LRIG3: variants seen among roughly 807,000 people sequenced by gnomAD.
LRIG3 encodes the protein leucine-rich repeats and immunoglobulin-like domains protein 3.
Under a neutral mutation model 114.5 loss-of-function variants are expected in LRIG3, and 76 were observed. That is an observed-to-expected ratio of 0.66 (90% CI 0.55 to 0.80). LRIG3 has a LOEUF of 0.80. Among genes scored for constraint, LRIG3 ranks in the 30% least tolerant of loss-of-function variants. The pLI is 0.00. For synonymous variants in LRIG3, 512 were observed against 519.8 expected (o/e 0.98, Z 0.20); for missense variants, 1,239 against 1,382.8 (o/e 0.90, Z 1.65).
At position 58,876,540 on chromosome 12, in the gene LRIG3, C is replaced by G. The variant is rs1870923603; in HGVS notation, c.2600G>C (p.Arg867Thr). ...TTCTGAAGACACGTACCCATCCTGC[C>G]TGTCAGCTAACGTTCCCTGAGATGA... is the stretch of plus-strand genomic sequence containing the variant. Reference protein sequence around the residue: ...YLSSQGTLADRQDGYVSSESG... With the variant: ...YLSSQGTLADTQDGYVSSESG... Residue 867 changes from arginine (R) to threonine (T), a missense_variant, in exon 16 of 19, where the codon AGG becomes ACG. Arg to Thr is a moderately conservative substitution (Grantham distance 71). Coordinates refer to ENST00000320743, the MANE Select transcript of LRIG3 (RefSeq NM_153377.5). 1.9e-6 allele frequency: 3 copies of G among 1,614,188 alleles called. No individual in the cohort carries two copies. The highest frequency in any genetic ancestry group is 2.5e-6 in the Non-Finnish European group (3 of 1,180,018).
chr12:58,913,835 GTTA>G (rs1330356306), intron 3 of LRIG3, 144 bp downstream of exon 3: 9 of 620,758 alleles, frequency 1.4e-5, no homozygotes, highest in Non-Finnish European at 2.2e-5. Context: ...TAGAAAACAA[GTTA>G]ACCAATTTAA....
chr12:58,891,986 A>G, intron 3 of LRIG3, among the ~76,000 whole-genome samples: 1 of 152,138 alleles, frequency 6.6e-6, no homozygotes, highest in East Asian at 1.9e-4. Flanking sequence ...TGCTTCTACC[A>G]TTGTGTAAAG....
intron 3 of LRIG3, among the ~76,000 whole-genome samples, chr12:58,892,444 A>G (rs2120921502): frequency 6.6e-6 from 1 of 152,300 alleles, no homozygotes; most frequent in East Asian, 1.9e-4. Flanking sequence ...CCAAAACTGG[A>G]TTTCTACAGT....
chr12:58,907,314 C>T (rs1245255331), intron 3 of LRIG3, among the ~76,000 whole-genome samples: 1 of 152,174 alleles, frequency 6.6e-6, no homozygotes, highest in African/African-American at 2.4e-5. Context: ...ATACAAAAGC[C>T]CTCAGGCTAC....
intron 3 of LRIG3, 96 bp downstream of exon 3, chr12:58,913,886 A>AT: frequency 2.7e-6 from 3 of 1,104,882 alleles, no homozygotes; most frequent in Non-Finnish European, 2.6e-6. Flanking sequence ...AAAATATTCC[A>AT]TTTTTTTCTT....
At chr12:58,888,263 A>G in intron 7 of LRIG3, 66 bp downstream of exon 7, 1 of 1,550,660 alleles carries the variant, frequency 6.4e-7, no homozygotes, top group Non-Finnish European at 8.8e-7. Flanking sequence ...ATCAGTGGTA[A>G]GAAGCTCATG....
chr12:58,896,030 C>T (rs1871629949), intron 3 of LRIG3, among the ~76,000 whole-genome samples: 1 of 152,204 alleles, frequency 6.6e-6, no homozygotes. Flanking sequence ...TTTTCTAAGA[C>T]ACAGAGTGCA....
In LRIG3 at chr12:58,881,024, T is replaced by C. The variant is rs898993526; in HGVS notation, c.1481-123A>G. On this transcript the variant is annotated intron_variant, in intron 12 of 18. Coordinates refer to ENST00000320743, the MANE Select transcript of LRIG3 (RefSeq NM_153377.5). ...TAGGTTTTACCCTTTGTGTATGTTT[T>C]CCAGATGGACTAGCCGTCCCCATGT... 1.7e-5 allele frequency: 15 copies of C among 880,958 alleles called. No individual in the cohort carries two copies. In the African/African-American group the frequency reaches 2.5e-4, roughly 15 times the overall value. 54.6% of individuals were successfully genotyped at this position (880,958 alleles called of 1,614,324 possible). A position where few individuals can be genotyped will look rare whatever the true frequency, so the allele number is the denominator to read the frequency against.
chr12:58,888,484 G>T lies in LRIG3; in HGVS notation c.804-12C>A. ...TATGGTCCAGCTGCCTACATTTACA[G>T]TAAGAATCAAAAGCAGGATCAAAAC... On this transcript the variant is annotated splice_polypyrimidine_tract_variant and intron_variant, in intron 6 of 18. Coordinates refer to ENST00000320743, the MANE Select transcript of LRIG3 (RefSeq NM_153377.5). 1 of 1,611,116 alleles carries T rather than the reference G, an allele frequency of 6.2e-7. No homozygotes were observed. Among genetic ancestry groups the T allele is most frequent in the African/African-American group, 1.3e-5 (1 of 74,976 alleles).
At chr12:58,895,809 G>A (rs948874040) in intron 3 of LRIG3, among the ~76,000 whole-genome samples, 2 of 152,186 alleles carry the variant, frequency 1.3e-5, no homozygotes, top group East Asian at 1.9e-4. Flanking sequence ...GACGACAGAA[G>A]GATGACGAGC....
intron 10 of LRIG3, among the ~76,000 whole-genome samples, chr12:58,885,023 A>C (rs1871230094): frequency 6.6e-6 from 1 of 152,082 alleles, no homozygotes; most frequent in African/African-American, 2.4e-5. Flanking sequence ...GTGGCTGAAA[A>C]TTCCTGAGCC....
At chr12:58,881,420 C>CAAAAAAA (rs376145825) in intron 12 of LRIG3, among the ~76,000 whole-genome samples, 1 of 65,112 alleles carries the variant, frequency 1.5e-5, no homozygotes, top group African/African-American at 5.1e-5. Context: ...TAGGTAGAGG[C>CAAAAAAA]AAAAAAAAAA....
At chr12:58,917,260 A>C (rs987523098) in intron 1 of LRIG3, among the ~76,000 whole-genome samples, 1 of 152,202 alleles carries the variant, frequency 6.6e-6, no homozygotes, top group African/African-American at 2.4e-5. Context: ...TCTACATAAG[A>C]CAAATAATTC....
rs559830351 is a variant in LRIG3 at position 58,886,866 on chromosome 12, G to T, written c.1116C>A (p.Ser372=). The change falls in exon 9 of 19, where the codon TCC becomes TCA. Residue 372 remains serine (S), a synonymous_variant. Transcript: ENST00000320743. The part of the protein sequence containing the change: ...KTLDLKNNEI[S]WTIEDMNGAF... ...CACCATTCATGTCTTCAATAGTCCA[G>T]GAAATTTCATTGTTCTTCAGATCCC... 1 of 1,613,334 alleles carries T rather than the reference G, an allele frequency of 6.2e-7. No homozygotes were observed. Among genetic ancestry groups the T allele is most frequent in the South Asian group, 1.1e-5 (1 of 91,040 alleles).
intron 3 of LRIG3, among the ~76,000 whole-genome samples, chr12:58,901,135 T>G (rs1871833341): frequency 6.6e-6 from 1 of 152,192 alleles, no homozygotes; most frequent in South Asian, 2.1e-4. Flanking sequence ...AAGGCAGTGT[T>G]TTGGAATTTT....
intron 1 of LRIG3, chr12:58,919,387 C>T: frequency 6.4e-7 from 1 of 1,551,298 alleles, no homozygotes; most frequent in South Asian, 1.2e-5. Flanking sequence ...CCATAGCTAC[C>T]GACCAGTCTT....
rs374107301 is a variant in LRIG3 at position 58,913,955 on chromosome 12, T to G, written c.383+27A>C. 1.3e-4 allele frequency: 200 copies of G among 1,591,106 alleles called. 4 individuals carry two copies. In the South Asian group the frequency reaches 2.0e-3, roughly 16 times the overall value. Reference sequence around the variant, plus strand: ...CACTCAAGGTTCCTGCAAACATACATGAGGAATTCTGCTGATATTCACTTA... The same window carrying G: ...CACTCAAGGTTCCTGCAAACATACAGGAGGAATTCTGCTGATATTCACTTA... On this transcript the variant is annotated intron_variant, in intron 3 of 18. Coordinates refer to ENST00000320743, the MANE Select transcript of LRIG3 (RefSeq NM_153377.5).
chr12:58,889,216 T>C (rs544755913), intron 5 of LRIG3, among the ~76,000 whole-genome samples: 1 of 152,296 alleles, frequency 6.6e-6, no homozygotes, highest in South Asian at 2.1e-4. Context: ...TAAAGTCTTG[T>C]CCACTCAGTA....
Position 58,914,035 on chromosome 12 carries a change from C to A in LRIG3, c.330G>T (p.Leu110Phe). Residue 110 changes from leucine to phenylalanine, a missense_variant, in exon 3 of 19, where the codon TTG (leucine) becomes TTT (phenylalanine). Leu to Phe is a conservative substitution (Grantham distance 22). Transcript: ENST00000320743. ...LREVKLNNNE[L>F]ETIPNLGPVS... is the part of the protein sequence containing the mutation. Reference sequence around the variant, plus strand: ...CTGGTCCCAGATTTGGAATGGTCTCCAATTCATTGTTGTTCAGTTTCCTAC... The same window carrying A: ...CTGGTCCCAGATTTGGAATGGTCTCAAATTCATTGTTGTTCAGTTTCCTAC... 1.9e-6 allele frequency: 3 copies of A among 1,607,734 alleles called. No individual in the cohort carries two copies. The highest frequency in any genetic ancestry group is 2.5e-6 in the Non-Finnish European group (3 of 1,178,194).
Sources: allele counts gnomAD v4.1 joint callset (sites outside exome capture counted in the v4.1 genomes callset), GRCh38; gene constraint gnomAD v4.1.1; transcripts MANE v1.5; gene names NCBI Gene and HGNC (gene_info 2026-07-23, HGNC 2026-07-21).